NMBR: variants seen among roughly 807,000 people sequenced by gnomAD.
NMBR encodes neuromedin B receptor.
In NMBR, 16 loss-of-function variants were observed where a neutral mutation model predicts 20.5. That is an observed-to-expected ratio of 0.78 (90% CI 0.53 to 1.19). NMBR has a LOEUF of 1.19. Among genes scored for constraint, NMBR ranks in the 50% most tolerant of loss-of-function variants. The probability of loss-of-function intolerance (pLI) is 0.00; values close to 1 mark genes in which losing one functional copy is unlikely to be tolerated. For synonymous variants in NMBR, 212 were observed against 196.6 expected, an observed-to-expected ratio of 1.08 and a Z score of -0.65; for missense variants, 582 against 499.1, an observed-to-expected ratio of 1.17 and a Z score of -1.58.
intron 1 of NMBR, among the ~76,000 whole-genome samples, chr6:142,108,982 A>G (rs985281696): frequency 2.0e-5 from 3 of 152,198 alleles, no homozygotes; most frequent in Middle Eastern, 3.2e-3. Flanking sequence ...AATGGGAGAA[A>G]TTGACCAAAA....
chr6:142,110,854 C>A (rs937931437), intron 1 of NMBR, among the ~76,000 whole-genome samples: 1 of 152,184 alleles, frequency 6.6e-6, no homozygotes, highest in Non-Finnish European at 1.5e-5. Flanking sequence ...GAGAACCCCC[C>A]TAACTATGGA....
intron 1 of NMBR, among the ~76,000 whole-genome samples, chr6:142,123,002 T>C (rs936345274): frequency 6.6e-6 from 1 of 151,884 alleles, no homozygotes; most frequent in African/African-American, 2.4e-5. Context: ...AGTCTTATTA[T>C]ATAAGGAATA....
intron 1 of NMBR, among the ~76,000 whole-genome samples, chr6:142,091,578 G>T (rs188976545): frequency 6.6e-6 from 1 of 152,130 alleles, no homozygotes; most frequent in Non-Finnish European, 1.5e-5. Context: ...AGGTTTCTTA[G>T]ACTCATATAC....
rs190007469 is a variant in NMBR, at chr6:142,127,247, T to C, written c.-664+19797A>G. Among the ~76,000 whole-genome samples, 326 of 152,086 alleles carry C rather than the reference T, an allele frequency of 2.1e-3. 2 individuals are homozygous for C. Among genetic ancestry groups the C allele is most frequent in the African/African-American group, 7.1e-3 (293 of 41,536 alleles). ...TCCCAGCATGATTTGTTGTAGAAACTATCACTTCCCCACTGGATTTTCTTT... is the reference window on the plus strand; with the variant it reads ...TCCCAGCATGATTTGTTGTAGAAACCATCACTTCCCCACTGGATTTTCTTT... On this transcript the variant is annotated intron_variant, in intron 1 of 3. Transcript: ENST00000258042.
intron 1 of NMBR, among the ~76,000 whole-genome samples, chr6:142,094,204 T>A (rs563630843): frequency 6.6e-6 from 1 of 152,094 alleles, no homozygotes; most frequent in African/African-American, 2.4e-5. Flanking sequence ...CTTTTGGTGT[T>A]TTAGACATGA....
chr6:142,100,905 G>T (rs1208229395), intron 1 of NMBR, among the ~76,000 whole-genome samples: 1 of 152,156 alleles, frequency 6.6e-6, no homozygotes, highest in Non-Finnish European at 1.5e-5. Context: ...ACTATAAATT[G>T]GGTAGCTTAT....
At chr6:142,146,074 C>G (rs774736536) in intron 1 of NMBR, among the ~76,000 whole-genome samples, 32 of 152,270 alleles carry the variant, frequency 2.1e-4, no homozygotes, top group Non-Finnish European at 4.7e-4. Context: ...GAGAAAGAAA[C>G]CATACATTCT....
At chr6:142,125,512 C>CAAAT (rs1211570455) in intron 1 of NMBR, among the ~76,000 whole-genome samples, 1 of 76,876 alleles carries the variant, frequency 1.3e-5, no homozygotes, top group Non-Finnish European at 3.2e-5. Flanking sequence ...CATATACATA[C>CAAAT]ATACACAATT....
intron 1 of NMBR, among the ~76,000 whole-genome samples, chr6:142,136,740 T>G (rs1329102352): frequency 6.6e-6 from 1 of 152,234 alleles, no homozygotes. Flanking sequence ...CAGCACCATT[T>G]ATTAAATAGG....
chr6:142,120,511 C>A (rs954654170), intron 1 of NMBR, among the ~76,000 whole-genome samples: 1 of 151,830 alleles, frequency 6.6e-6, no homozygotes, highest in African/African-American at 2.4e-5. Flanking sequence ...CTACTTGAGG[C>A]TCTGAGTATT....
At chr6:142,084,972 A>G (rs995542366) in intron 2 of NMBR, among the ~76,000 whole-genome samples, 2 of 152,238 alleles carry the variant, frequency 1.3e-5, no homozygotes, top group African/African-American at 4.8e-5. Flanking sequence ...ACTTTTAATC[A>G]ACTACTTTAT....
At chr6:142,076,142 A>G (rs1009434073) in intron 3 of NMBR, 93 bp from the exon 4 acceptor site, 2 of 998,708 alleles carry the variant, frequency 2.0e-6, no homozygotes, top group East Asian at 5.0e-5. Context: ...CAAAATTTAC[A>G]GCATGATAAT....
At chr6:142,096,131 GT>G (rs1777447123) in intron 1 of NMBR, among the ~76,000 whole-genome samples, 1 of 151,890 alleles carries the variant, frequency 6.6e-6, no homozygotes, top group Non-Finnish European at 1.5e-5. Context: ...TTTTTGAAGG[GT>G]TTTTTGTGTC....
chr6:142,136,340 G>A (rs540517179), intron 1 of NMBR, among the ~76,000 whole-genome samples: 1 of 152,230 alleles, frequency 6.6e-6, no homozygotes, highest in South Asian at 2.1e-4. Context: ...TTTTGATGGG[G>A]TTGTTTGTTT....
At position 142,124,867 on chromosome 6, in the gene NMBR, A is replaced by G. The variant is rs555062676; in HGVS notation, c.-664+22177T>C. 3.3e-4 allele frequency among the ~76,000 whole-genome samples: 50 copies of G among 152,046 alleles called. 1 individual carries two copies. The highest frequency in any genetic ancestry group is 1.7e-4 in the African/African-American group (7 of 41,538). ...ATAAGAATTAGAATCATAAAACCATAGAATTGTGAAATTACTTACACATCA... is the reference window on the plus strand; with the variant it reads ...ATAAGAATTAGAATCATAAAACCATGGAATTGTGAAATTACTTACACATCA... On this transcript the variant is annotated intron_variant, in intron 1 of 3. Transcript: ENST00000258042.
Position 142,085,248 on chromosome 6 carries a change from G to A in NMBR, c.422+2989C>T, listed in dbSNP as rs1777178506. On this transcript the variant is annotated intron_variant, in intron 2 of 3. Coordinates refer to ENST00000258042, the MANE Select transcript of NMBR (RefSeq NM_002511.4). ...ATTAATAATCACAGACACCAGCTAG[G>A]AGCAGTGGCTCACACTTGTAATCCC... Among the ~76,000 whole-genome samples, 2 of 152,164 alleles carry A rather than the reference G, an allele frequency of 1.3e-5. 1 individual carries two copies. Among genetic ancestry groups the A allele is most frequent in the South Asian group, 4.1e-4 (2 of 4,820 alleles).
At position 142,147,036 on chromosome 6, in the gene NMBR, C is replaced by T. The variant is rs529819990; in HGVS notation, c.-664+8G>A. On this transcript the variant is annotated splice_region_variant and intron_variant, in intron 1 of 3. Coordinates refer to ENST00000258042, the MANE Select transcript of NMBR (RefSeq NM_002511.4). Reference sequence around the variant, plus strand: ...AAAGCAAAACAAAACAAAAACCCTTCCTCCTACCAGCAGAGAGCGCTAGCG... The same window carrying T: ...AAAGCAAAACAAAACAAAAACCCTTTCTCCTACCAGCAGAGAGCGCTAGCG... 218 of 483,042 alleles carry T rather than the reference C, an allele frequency of 4.5e-4. No homozygotes were observed. Among genetic ancestry groups the T allele is most frequent in the African/African-American group, 4.0e-3 (208 of 52,550 alleles). The allele number at this position is 483,042 out of a possible 1,614,324, so 29.9% of individuals were successfully genotyped here. A position where few individuals can be genotyped will look rare whatever the true frequency, so the allele number is the denominator to read the frequency against.
chr6:142,124,074 T>G (rs554114467), intron 1 of NMBR, among the ~76,000 whole-genome samples: 3 of 151,848 alleles, frequency 2.0e-5, no homozygotes, highest in African/African-American at 7.2e-5. Flanking sequence ...AGCCGAAAAA[T>G]TGGAGTCCCT....
intron 3 of NMBR, among the ~76,000 whole-genome samples, chr6:142,076,640 A>G (rs774182927): frequency 9.9e-5 from 15 of 152,284 alleles, no homozygotes; most frequent in Admixed American, 3.9e-4. Flanking sequence ...TTCCTTCTCC[A>G]TAAAATTTAC....
Sources: gnomAD v4.1 joint callset for allele counts (sites outside exome capture counted in the v4.1 genomes callset) on GRCh38, gnomAD v4.1.1 for gene constraint, MANE v1.5 for transcripts, NCBI Gene and HGNC (gene_info 2026-07-23, HGNC 2026-07-21) for gene names.